The following KIF6 variants were observed in gnomAD, a reference collection of about 807,000 sequenced individuals.
The protein encoded by KIF6 is kinesin family member 6.
In KIF6, 106 loss-of-function variants were observed where a neutral mutation model predicts 112.7. The observed-to-expected ratio is 0.94, with a 90% CI of 0.80 to 1.11. The LOEUF (loss-of-function observed/expected upper bound fraction) is 1.11. Ranked by LOEUF, KIF6 falls within the 50% of genes least tolerant of loss-of-function variation. The probability of loss-of-function intolerance (pLI) is 0.00; values close to 1 mark genes in which losing one functional copy is unlikely to be tolerated. For missense variants in KIF6, 929 were observed against 964.0 expected (o/e 0.96, Z 0.48); for synonymous variants, 339 against 339.9 (o/e 1.00, Z 0.03).
chr6:39,465,081 A>C (rs1773707772), intron 13 of KIF6, among the ~76,000 whole-genome samples: 1 of 152,178 alleles, frequency 6.6e-6, no homozygotes, highest in African/African-American at 2.4e-5. Flanking sequence ...GCACCACCAG[A>C]TGTCCGTGCG....
At chr6:39,357,068 G>A (rs532773868) in intron 19 of KIF6, among the ~76,000 whole-genome samples, 2 of 152,266 alleles carry the variant, frequency 1.3e-5, no homozygotes, top group East Asian at 3.9e-4. Context: ...TCTACTGGCT[G>A]TCAGAGTGAG....
chr6:39,340,717 GAC>G (rs1217054271), intron 22 of KIF6, among the ~76,000 whole-genome samples: 16 of 152,154 alleles, frequency 1.1e-4, no homozygotes, highest in African/African-American at 3.9e-4. Context: ...ACTGCCTGGG[GAC>G]AGTGTTAGCA....
intron 13 of KIF6, among the ~76,000 whole-genome samples, chr6:39,522,270 G>T (rs1161134050): frequency 1.3e-5 from 2 of 152,106 alleles, no homozygotes; most frequent in Non-Finnish European, 2.9e-5. Flanking sequence ...CCTCCGTTGA[G>T]ATTTGTAACA....
At chr6:39,416,793 A>G (rs980042887) in intron 15 of KIF6, among the ~76,000 whole-genome samples, 2 of 152,232 alleles carry the variant, frequency 1.3e-5, no homozygotes, top group African/African-American at 4.8e-5. Context: ...AAACTACCCG[A>G]GGAGACAGTG....
chr6:39,490,459 G>A (rs1386172037), intron 13 of KIF6, among the ~76,000 whole-genome samples: 2 of 152,198 alleles, frequency 1.3e-5, no homozygotes, highest in African/African-American at 2.4e-5. Context: ...TGAGTCTAAT[G>A]TCTGTTAGAA....
chr6:39,334,769 AGTGTGTGTGT>A lies in KIF6; in HGVS notation c.*1753_*1762del, dbSNP rs1327888745. 6.6e-6 allele frequency: 1 copy of A among 150,902 alleles called. No homozygotes were observed. Among genetic ancestry groups the A allele is most frequent in the Non-Finnish European group, 1.5e-5 (1 of 67,972 alleles). 9.3% of individuals were successfully genotyped at this position (150,902 alleles called of 1,614,324 possible). A position where few individuals can be genotyped will look rare whatever the true frequency, so the allele number is the denominator to read the frequency against. On this transcript the variant is annotated 3_prime_UTR_variant, in exon 23 of 23. Transcript: ENST00000287152. ...CCATGCCATCTTCAGGGCTCTTGAG[AGTGTGTGTGT>A]GTATGTGTGTGTGTGTGTGCAGTTA...
chr6:39,724,011 C>T (rs1582539057), intron 1 of KIF6, among the ~76,000 whole-genome samples: 1 of 152,036 alleles, frequency 6.6e-6, no homozygotes, highest in East Asian at 1.9e-4. Context: ...CTGTAAAATG[C>T]GGAAAATGAC....
At chr6:39,474,906 A>C (rs1256121794) in intron 13 of KIF6, among the ~76,000 whole-genome samples, 2 of 152,244 alleles carry the variant, frequency 1.3e-5, no homozygotes, top group Non-Finnish European at 2.9e-5. Context: ...TTACTCATTT[A>C]TTCCTGTATG....
intron 12 of KIF6, 34 bp from the exon 13 acceptor site, chr6:39,540,255 C>T: frequency 7.5e-7 from 1 of 1,341,716 alleles, no homozygotes; most frequent in East Asian, 2.3e-5. Flanking sequence ...ATGCCTGATG[C>T]TAGCTTATAG....
At chr6:39,709,981 T>C (rs1225336171) in intron 3 of KIF6, among the ~76,000 whole-genome samples, 2 of 152,222 alleles carry the variant, frequency 1.3e-5, no homozygotes, top group African/African-American at 4.8e-5. Flanking sequence ...TGTTTTACCA[T>C]TTCAAAGTCA....
chr6:39,497,767 T>C (rs1775874571), intron 13 of KIF6, among the ~76,000 whole-genome samples: 1 of 152,220 alleles, frequency 6.6e-6, no homozygotes. Context: ...TTTTCTATAA[T>C]GTTCTGACAG....
chr6:39,418,959 G>A (rs1770135216), intron 15 of KIF6, among the ~76,000 whole-genome samples: 1 of 152,132 alleles, frequency 6.6e-6, no homozygotes, highest in Non-Finnish European at 1.5e-5. Flanking sequence ...ACAGAGGTGA[G>A]GCACAGGGAT....
chr6:39,432,969 TG>T (rs1031739154), intron 13 of KIF6, among the ~76,000 whole-genome samples: 1 of 150,190 alleles, frequency 6.7e-6, no homozygotes, highest in African/African-American at 2.5e-5. Context: ...AACAGAGGTG[TG>T]GGGGTGGTGG....
intron 13 of KIF6, among the ~76,000 whole-genome samples, chr6:39,435,529 C>T (rs760679536): frequency 6.6e-6 from 1 of 151,876 alleles, no homozygotes; most frequent in Non-Finnish European, 1.5e-5. Flanking sequence ...CCTCACCCCC[C>T]AAACCTCCCC....
chr6:39,633,560 C>A (rs1472677507), intron 5 of KIF6, among the ~76,000 whole-genome samples: 2 of 152,154 alleles, frequency 1.3e-5, no homozygotes, highest in African/African-American at 2.4e-5. Context: ...AGTTTTCTAT[C>A]CTTCACAAAA....
At chr6:39,422,978 G>A (rs1044140985) in intron 14 of KIF6, among the ~76,000 whole-genome samples, 6 of 152,212 alleles carry the variant, frequency 3.9e-5, no homozygotes, top group Non-Finnish European at 8.8e-5. Flanking sequence ...TGCACCTTGA[G>A]GAGGGGCAGG....
intron 13 of KIF6, among the ~76,000 whole-genome samples, chr6:39,523,438 C>T (rs1379743320): frequency 6.6e-6 from 1 of 151,690 alleles, no homozygotes; most frequent in African/African-American, 2.4e-5. Flanking sequence ...AAAAGCATGG[C>T]TTTTAAGCAT....
At chr6:39,637,210 C>T (rs922604380) in intron 4 of KIF6, among the ~76,000 whole-genome samples, 5 of 152,062 alleles carry the variant, frequency 3.3e-5, no homozygotes, top group South Asian at 2.1e-4. Context: ...AATCATAAAA[C>T]GTCAGGAAAA....
chr6:39,507,307 A>C (rs527625352), intron 13 of KIF6, among the ~76,000 whole-genome samples: 2 of 152,312 alleles, frequency 1.3e-5, no homozygotes, highest in East Asian at 3.9e-4. Context: ...AGGAATGGAA[A>C]AATCCCACAT....
Sources: gnomAD v4.1 joint callset for allele counts (sites outside exome capture counted in the v4.1 genomes callset) on GRCh38, gnomAD v4.1.1 for gene constraint, MANE v1.5 for transcripts, NCBI Gene and HGNC (gene_info 2026-07-23, HGNC 2026-07-21) for gene names.